UHRF2: variants seen among roughly 807,000 people sequenced by gnomAD.
UHRF2 encodes ubiquitin like with PHD and ring finger domains 2.
In UHRF2, 23 loss-of-function variants were observed where a neutral mutation model predicts 96.8. The observed-to-expected ratio is 0.24, with a 90% CI of 0.17 to 0.34. The LOEUF (loss-of-function observed/expected upper bound fraction) is 0.34, where lower values mean the gene tolerates loss of function less well. Among genes scored for constraint, UHRF2 ranks in the 10% least tolerant of loss-of-function variants. The pLI is 1.00. For synonymous variants in UHRF2, 385 were observed against 332.6 expected (o/e 1.16, Z -1.72); for missense variants, 685 against 981.5 (o/e 0.70, Z 4.04).
intron 3 of UHRF2, among the ~76,000 whole-genome samples, chr9:6,460,055 C>T (rs955469095): frequency 1.3e-5 from 2 of 152,190 alleles, no homozygotes; most frequent in Admixed American, 1.3e-4. Flanking sequence ...CCTACTTTCC[C>T]AGCTAGCAAT....
At chr9:6,453,900 G>T (rs964664116) in intron 3 of UHRF2, among the ~76,000 whole-genome samples, 1 of 151,908 alleles carries the variant, frequency 6.6e-6, no homozygotes, top group Admixed American at 6.6e-5. Context: ...GTAAGACTCC[G>T]TCTCAAAAAA....
chr9:6,445,272 G>T (rs1587803119), intron 3 of UHRF2, among the ~76,000 whole-genome samples: 1 of 145,990 alleles, frequency 6.8e-6, no homozygotes, highest in East Asian at 2.0e-4. Flanking sequence ...TTTATGTATT[G>T]ATTGATTGAT....
At chr9:6,439,928 C>T (rs1821064330) in intron 3 of UHRF2, among the ~76,000 whole-genome samples, 1 of 152,120 alleles carries the variant, frequency 6.6e-6, no homozygotes, top group Admixed American at 6.5e-5. Flanking sequence ...AATTATAAAT[C>T]ATTAAGTGGT....
At chr9:6,441,351 G>A (rs1371194882) in intron 3 of UHRF2, among the ~76,000 whole-genome samples, 2 of 151,704 alleles carry the variant, frequency 1.3e-5, no homozygotes, top group African/African-American at 4.9e-5. Context: ...TCCAGCTTGG[G>A]TGACACGGTG....
At chr9:6,429,130 A>C (rs771857375) in intron 2 of UHRF2, among the ~76,000 whole-genome samples, 1 of 151,756 alleles carries the variant, frequency 6.6e-6, no homozygotes, top group African/African-American at 2.4e-5. Flanking sequence ...GCACCACTGC[A>C]CTCCAGCCTG....
intron 4 of UHRF2, among the ~76,000 whole-genome samples, chr9:6,470,246 A>G (rs1823163477): frequency 6.6e-6 from 1 of 151,828 alleles, no homozygotes; most frequent in African/African-American, 2.4e-5. Flanking sequence ...GGTAGTGCAC[A>G]CCTGTAACCC....
rs182527957 is a variant in UHRF2 at position 6,468,067 on chromosome 9, A to G, written c.863+7276A>G. Among the ~76,000 whole-genome samples, 239 of 152,294 alleles carry G rather than the reference A, an allele frequency of 1.6e-3. 1 individual carries two copies. The highest frequency in any genetic ancestry group is 2.9e-3 in the Non-Finnish European group (194 of 68,012). On this transcript the variant is annotated intron_variant, in intron 4 of 15. Transcript: ENST00000276893. ...TTTAGTGTCCCAGCTTTATTTGGGA[A>G]TTCTTAGACTGCCTGATTTCAGTCT... is the stretch of plus-strand genomic sequence containing the variant.
At chr9:6,422,525 A>G (rs1056265114) in intron 2 of UHRF2, 5 of 433,256 alleles carry the variant, frequency 1.2e-5, no homozygotes, top group South Asian at 8.1e-5. Flanking sequence ...GATTGCATCT[A>G]TAGATCAGCT....
intron 15 of UHRF2, 43 bp downstream of exon 15, chr9:6,504,734 G>A: frequency 6.7e-7 from 1 of 1,490,592 alleles, no homozygotes; most frequent in Non-Finnish European, 9.3e-7. Context: ...AGGTATGAAG[G>A]CACACTAATT....
intron 3 of UHRF2, among the ~76,000 whole-genome samples, chr9:6,458,141 GC>G (rs1252991814): frequency 2.6e-5 from 4 of 152,054 alleles, no homozygotes; most frequent in Non-Finnish European, 4.4e-5. Context: ...CTAGTCCTAG[GC>G]TTTTTTTGGT....
chr9:6,433,482 T>C (rs1820668315), intron 2 of UHRF2, among the ~76,000 whole-genome samples: 1 of 152,230 alleles, frequency 6.6e-6, no homozygotes, highest in Admixed American at 6.5e-5. Context: ...TTTAATACTT[T>C]ACTGTTTTCT....
At chr9:6,414,963 A>G (rs1459117829) in intron 1 of UHRF2, among the ~76,000 whole-genome samples, 2 of 152,238 alleles carry the variant, frequency 1.3e-5, no homozygotes, top group African/African-American at 4.8e-5. Context: ...CACTTGTTAA[A>G]TACTACATAG....
rs1308053207 is a variant in UHRF2 at position 6,413,477 on chromosome 9, C to T, written c.-14C>T. On this transcript the variant is annotated 5_prime_UTR_variant, in exon 1 of 16. Coordinates refer to ENST00000276893, the MANE Select transcript of UHRF2 (RefSeq NM_152896.3). Reference sequence around the variant, plus strand: ...GGGGAGACAAAGGGGACCGGTTCCTCTCTAGGCGCCAAGATGTGGATACAG... The same window carrying T: ...GGGGAGACAAAGGGGACCGGTTCCTTTCTAGGCGCCAAGATGTGGATACAG... 4 of 1,536,080 alleles carry T rather than the reference C, an allele frequency of 2.6e-6. No individual in the cohort carries two copies. The highest frequency in any genetic ancestry group is 1.4e-5 in the African/African-American group (1 of 70,278).
intron 2 of UHRF2, among the ~76,000 whole-genome samples, chr9:6,421,697 G>A (rs959335139): frequency 1.3e-5 from 2 of 152,120 alleles, no homozygotes; most frequent in African/African-American, 4.8e-5. Context: ...AATTACCGGG[G>A]TGAGCCACCT....
At chr9:6,486,759 A>T in intron 8 of UHRF2, 62 bp from the exon 9 acceptor site, 2 of 1,522,494 alleles carry the variant, frequency 1.3e-6, no homozygotes, top group Non-Finnish European at 1.8e-6. Flanking sequence ...ATATGAAAGC[A>T]TTTTGTAAAT....
At chr9:6,433,787 C>T (rs201964876) in intron 2 of UHRF2, 127 bp from the exon 3 acceptor site, 183 of 896,704 alleles carry the variant, frequency 2.0e-4, no homozygotes, top group Non-Finnish European at 2.3e-4. Flanking sequence ...TCTTATTAAC[C>T]ACTTTAAACA....
intron 4 of UHRF2, among the ~76,000 whole-genome samples, chr9:6,465,518 A>G (rs1822807610): frequency 6.6e-6 from 1 of 152,168 alleles, no homozygotes. Flanking sequence ...TTCTTGAACT[A>G]AAATTTAATT....
chr9:6,468,282 G>T, intron 4 of UHRF2: 1 of 360,314 alleles, frequency 2.8e-6, no homozygotes, highest in Non-Finnish European at 5.5e-6. Flanking sequence ...TGAAAAAGTG[G>T]CTTTGGCCTT....
intron 6 of UHRF2, among the ~76,000 whole-genome samples, chr9:6,479,804 C>T (rs915692718): frequency 4.6e-5 from 7 of 152,196 alleles, no homozygotes; most frequent in Non-Finnish European, 1.0e-4. Context: ...TGTTCTTTCA[C>T]ATACTCTACC....
Sources: gnomAD v4.1 joint callset for allele counts (sites outside exome capture counted in the v4.1 genomes callset) on GRCh38, gnomAD v4.1.1 for gene constraint, MANE v1.5 for transcripts, NCBI Gene and HGNC (gene_info 2026-07-23, HGNC 2026-07-21) for gene names.